Variants in SLC22A24 observed in about 807,000 individuals in gnomAD.
The protein encoded by SLC22A24 is solute carrier family 22 member 24.
In SLC22A24, 53 loss-of-function variants were observed where a neutral mutation model predicts 49.8. The ratio of observed to expected loss-of-function variants is 1.06; its 90% CI spans 0.85 to 1.34. The LOEUF is 1.34. SLC22A24 is among the 40% of genes most tolerant of loss of function. The probability of loss-of-function intolerance (pLI) is 0.00; values close to 1 mark genes in which losing one functional copy is unlikely to be tolerated. For missense variants in SLC22A24, 786 were observed against 675.9 expected (o/e 1.16, Z -1.81); for synonymous variants, 302 against 256.4 (o/e 1.18, Z -1.70).
chr11:63,117,691 C>G (rs549663418), intron 4 of SLC22A24, among the ~76,000 whole-genome samples: 24 of 152,258 alleles, frequency 1.6e-4, no homozygotes, highest in African/African-American at 4.6e-4. Flanking sequence ...TTACGCTTTT[C>G]TTAATAACAT....
chr11:63,143,197 A>G (rs575370467), intron 1 of SLC22A24, among the ~76,000 whole-genome samples, 181 bp downstream of exon 1: 5 of 152,200 alleles, frequency 3.3e-5, no homozygotes, highest in Non-Finnish European at 7.3e-5. Flanking sequence ...TAATACTAAT[A>G]CACTTGGCTG....
chr11:63,087,021 G>GGCGCGC (rs148778059), intron 6 of SLC22A24, among the ~76,000 whole-genome samples: 38 of 113,702 alleles, frequency 3.3e-4, no homozygotes, highest in Middle Eastern at 8.8e-3. Flanking sequence ...CTGCCTGGAG[G>GGCGCGC]GCGCACACAC....
At chr11:63,087,022 G>GTGCACACA (rs1555045306) in intron 6 of SLC22A24, among the ~76,000 whole-genome samples, 3 of 12,100 alleles carry the variant, frequency 2.5e-4, no homozygotes, top group Non-Finnish European at 7.9e-4. Flanking sequence ...TGCCTGGAGG[G>GTGCACACA]CGCACACACA....
chr11:63,103,634 G>A (rs1031134679), intron 5 of SLC22A24, among the ~76,000 whole-genome samples: 1 of 152,098 alleles, frequency 6.6e-6, no homozygotes, highest in African/African-American at 2.4e-5. Context: ...TGTTTTTCTG[G>A]CACACACAAT....
At chr11:63,138,083 G>A (rs1174250473) in intron 1 of SLC22A24, among the ~76,000 whole-genome samples, 1 of 152,168 alleles carries the variant, frequency 6.6e-6, no homozygotes, top group African/African-American at 2.4e-5. Context: ...GGTATCAACA[G>A]GATAGAACGT....
chr11:63,137,741 G>A (rs2087385707), intron 1 of SLC22A24: 1 of 152,194 alleles, frequency 6.6e-6, no homozygotes, highest in African/African-American at 2.4e-5. Context: ...CATAAAACAG[G>A]AAAGTGTGAT....
chr11:63,125,216 G>C (rs976318636), intron 2 of SLC22A24, among the ~76,000 whole-genome samples: 1 of 151,978 alleles, frequency 6.6e-6, no homozygotes, highest in Non-Finnish European at 1.5e-5. Context: ...GTGCAGTTTT[G>C]TTACATAGGT....
intron 4 of SLC22A24, among the ~76,000 whole-genome samples, chr11:63,107,289 A>G (rs1261233593): frequency 3.3e-5 from 5 of 152,034 alleles, no homozygotes; most frequent in Admixed American, 2.6e-4. Context: ...CCATTGGTCT[A>G]TATCTCTGTT....
Position 63,083,388 on chromosome 11 carries a change from C to T in SLC22A24, c.1140G>A (p.Leu380=), listed in dbSNP as rs569865563. 2 of 1,551,654 alleles carry T rather than the reference C, an allele frequency of 1.3e-6. No individual in the cohort carries two copies. The highest frequency in any genetic ancestry group is 2.7e-5 in the African/African-American group (2 of 73,152). The change falls in exon 7 of 10, where the codon CTG becomes CTA. Residue 380 remains leucine, a synonymous_variant. Coordinates refer to ENST00000612278, the MANE Select transcript of SLC22A24 (RefSeq NM_001136506.2). ...TGACAGCTCCACAGAGAATCTGGAA[C>T]AGGGAGACATTGCTCCCTAAGTGCT... ...NLQHLGSNVS[L]FQILCGAVTF...
At chr11:63,123,476 G>T (rs754469696) in intron 2 of SLC22A24, among the ~76,000 whole-genome samples, 1 of 151,882 alleles carries the variant, frequency 6.6e-6, no homozygotes, top group Non-Finnish European at 1.5e-5. Flanking sequence ...CTAAATTATT[G>T]TCTCTAGCTT....
At chr11:63,109,679 C>A (rs897999779) in intron 4 of SLC22A24, among the ~76,000 whole-genome samples, 1 of 151,962 alleles carries the variant, frequency 6.6e-6, no homozygotes. Context: ...CCTTTGCCCA[C>A]TTTTTGATGG....
intron 4 of SLC22A24, among the ~76,000 whole-genome samples, chr11:63,117,626 G>T (rs2087220821): frequency 6.6e-6 from 1 of 152,120 alleles, no homozygotes; most frequent in Admixed American, 6.5e-5. Flanking sequence ...TAAGGATTAA[G>T]ACCTGTATGA....
intron 7 of SLC22A24, among the ~76,000 whole-genome samples, chr11:63,082,693 A>G (rs2086966731): frequency 6.6e-6 from 1 of 152,252 alleles, no homozygotes; most frequent in Admixed American, 6.5e-5. Context: ...TTATGGTTGA[A>G]GACAAGGAAT....
intron 4 of SLC22A24, among the ~76,000 whole-genome samples, chr11:63,112,941 G>A (rs1452105834): frequency 2.7e-5 from 4 of 147,244 alleles, no homozygotes; most frequent in Non-Finnish European, 5.9e-5. Flanking sequence ...CGTGAACCCG[G>A]GAGCCGGAGC....
At chr11:63,105,136 G>A (rs1195023661) in intron 4 of SLC22A24, among the ~76,000 whole-genome samples, 1 of 152,244 alleles carries the variant, frequency 6.6e-6, no homozygotes, top group Non-Finnish European at 1.5e-5. Flanking sequence ...GATGCAAGGG[G>A]TGGGTTCCCA....
intron 6 of SLC22A24, among the ~76,000 whole-genome samples, chr11:63,086,875 CAT>C (rs1346018370): frequency 6.6e-6 from 1 of 152,064 alleles, no homozygotes; most frequent in Non-Finnish European, 1.5e-5. Context: ...ATACCTTAAA[CAT>C]ACACAATACA....
chr11:63,093,329 ATCCCAT>A (rs1197163230), intron 6 of SLC22A24, among the ~76,000 whole-genome samples: 1 of 152,196 alleles, frequency 6.6e-6, no homozygotes, highest in Admixed American at 6.5e-5. Flanking sequence ...TGACCCAGCA[ATCCCAT>A]TGCTGGGTAT....
intron 4 of SLC22A24, among the ~76,000 whole-genome samples, chr11:63,111,676 C>T (rs1442053469): frequency 6.6e-6 from 1 of 150,720 alleles, no homozygotes; most frequent in Non-Finnish European, 1.5e-5. Context: ...GTTTGTATTT[C>T]TGTGGGATCG....
At chr11:63,130,735 C>G (rs1269784034) in intron 2 of SLC22A24, among the ~76,000 whole-genome samples, 1 of 152,136 alleles carries the variant, frequency 6.6e-6, no homozygotes, top group South Asian at 2.1e-4. Flanking sequence ...TTATCAATTT[C>G]TTCTAGATTT....
Sources: allele counts gnomAD v4.1 joint callset (sites outside exome capture counted in the v4.1 genomes callset), GRCh38; gene constraint gnomAD v4.1.1; transcripts MANE v1.5; gene names NCBI Gene and HGNC (gene_info 2026-07-23, HGNC 2026-07-21).